RBM15: variants seen among roughly 807,000 people sequenced by gnomAD.
The protein encoded by RBM15 is RNA binding motif protein 15, also known as RNA-binding protein 15.
In RBM15, 8 loss-of-function variants were observed where a neutral mutation model predicts 62.6. That is an observed-to-expected ratio of 0.13 (90% confidence interval 0.07 to 0.23). The LOEUF (loss-of-function observed/expected upper bound fraction) is 0.23, where lower values mean the gene tolerates loss of function less well. RBM15 is among the 10% of genes least tolerant of loss of function. The pLI is 1.00. For missense variants in RBM15, 1,144 were observed against 1,286.5 expected, an observed-to-expected ratio of 0.89 and a Z score of 1.69; for synonymous variants, 606 against 505.7, an observed-to-expected ratio of 1.20 and a Z score of -2.66.
rs1486659810 is a variant in RBM15 at position 110,340,500 on chromosome 1, A to G, written c.1095A>G (p.Ser365=). Residue 365 remains serine, a synonymous_variant, in exon 1 of 3, where the codon TCA becomes TCG. Coordinates refer to ENST00000369784, the MANE Select transcript of RBM15 (RefSeq NM_022768.5). The surrounding 1 kb of genome is among the most constrained non-coding windows in gnomAD (Gnocchi z 5.8). ...AAPFREVDEI[S]PEDDQRANRT... ...CTTTCAGAGAAGTGGATGAGATTTC[A>G]CCCGAGGATGATCAGCGAGCTAACC... 6.2e-7 allele frequency: 1 copy of G among 1,614,154 alleles called. No individual in the cohort carries two copies.
rs1660900111 is a variant in RBM15, at chr1:110,346,421, A to G, written c.*154A>G. 1 of 1,434,300 alleles carries G rather than the reference A, an allele frequency of 7.0e-7. No individual in the cohort carries two copies. The highest frequency in any genetic ancestry group is 9.7e-7 in the Non-Finnish European group (1 of 1,033,308). The allele number at this position is 1,434,300 out of a possible 1,614,324, so 88.8% of individuals were successfully genotyped here. On this transcript the variant is annotated 3_prime_UTR_variant, in exon 3 of 3. Coordinates refer to ENST00000369784, the MANE Select transcript of RBM15 (RefSeq NM_022768.5). ...CATGGGCCTCTGATGGAAGAAAGCT[A>G]ATCTGTTTAGTATTTGTGCATTTTA... is the stretch of plus-strand genomic sequence containing the variant.
In RBM15 at chr1:110,340,816, C is replaced by T; in HGVS notation, c.1411C>T (p.Leu471=). 1 of 1,614,192 alleles carries T rather than the reference C, an allele frequency of 6.2e-7. No homozygotes were observed. The highest frequency in any genetic ancestry group is 8.5e-7 in the Non-Finnish European group (1 of 1,180,028). The part of the protein sequence containing the change: ...GLGPWVPLAA[L]AREFDRFGTI... ...GGGACCTTGGGTTCCTCTTGCTGCCCTGGCACGAGAATTTGATCGATTTGG... is the reference window on the plus strand; with the variant it reads ...GGGACCTTGGGTTCCTCTTGCTGCCTTGGCACGAGAATTTGATCGATTTGG... The change falls in exon 1 of 3, where the codon CTG becomes TTG. Residue 471 remains leucine (L), a synonymous_variant. Transcript: ENST00000369784. This position sits in a 1 kb window ranked among gnomAD's most constrained non-coding sequence, Gnocchi z 5.8.
At position 110,346,667 on chromosome 1, in the gene RBM15, T is replaced by C; in HGVS notation, c.*400T>C. The C allele has an allele frequency of 2.8e-6, 1 of 351,928 alleles. No individual in the cohort carries two copies. The highest frequency in any genetic ancestry group is 4.3e-5 in the East Asian group (1 of 23,032). The allele number at this position is 351,928 out of a possible 1,614,324, so 21.8% of individuals were successfully genotyped here. A position where few individuals can be genotyped will look rare whatever the true frequency, so the allele number is the denominator to read the frequency against. On this transcript the variant is annotated 3_prime_UTR_variant, in exon 3 of 3. Transcript: ENST00000369784. ...GTTTTATTCTAAATAAATTGTTTCTTTTGAGGAAAATGTTTTTCTGCCTGG... is the reference window on the plus strand; with the variant it reads ...GTTTTATTCTAAATAAATTGTTTCTCTTGAGGAAAATGTTTTTCTGCCTGG...
rs749458618 is a variant in RBM15 at position 110,341,141 on chromosome 1, A to G, written c.1736A>G (p.Asp579Gly). 6.2e-7 allele frequency: 1 copy of G among 1,613,860 alleles called. No homozygotes were observed. Among genetic ancestry groups the G allele is most frequent in the South Asian group, 1.1e-5 (1 of 91,080 alleles). The part of the protein sequence containing the change: ...PPLLYRDRDR[D>G]LYPDSDWVPP... ...TTACTATACAGAGATCGTGATAGGGACCTTTATCCTGACTCTGATTGGGTG... is the reference window on the plus strand; with the variant it reads ...TTACTATACAGAGATCGTGATAGGGGCCTTTATCCTGACTCTGATTGGGTG... Residue 579 changes from aspartate to glycine, a missense_variant, in exon 1 of 3, where the codon GAC becomes GGC. Physicochemically the swap from Asp to Gly is moderately conservative, Grantham distance 94 (BLOSUM62 -1). Coordinates refer to ENST00000369784, the MANE Select transcript of RBM15 (RefSeq NM_022768.5). This position sits in a 1 kb window ranked among gnomAD's most constrained non-coding sequence, Gnocchi z 4.5.
rs1282355964 is a variant in RBM15 at position 110,339,721 on chromosome 1, C to G, written c.316C>G (p.Arg106Gly). 2 of 1,612,720 alleles carry G rather than the reference C, an allele frequency of 1.2e-6. No individual in the cohort carries two copies. Among genetic ancestry groups the G allele is most frequent in the Non-Finnish European group, 1.7e-6 (2 of 1,179,818 alleles). The change falls in exon 1 of 3, where the codon CGA becomes GGA. Residue 106 changes from arginine (R) to glycine (G), a missense_variant. By Grantham distance (125) the Arg-to-Gly change is moderately radical. Coordinates refer to ENST00000369784, the MANE Select transcript of RBM15 (RefSeq NM_022768.5). ...TCTCCACCTGGACAAGTCCAGCAGT[C>G]GAGGTGGCAGCCGCGAGTATGATAC... is the stretch of plus-strand genomic sequence containing the variant. The part of the protein sequence containing the change: ...RSLHLDKSSS[R>G]GGSREYDTGG...
rs1660784794 is a variant in RBM15 at position 110,341,095 on chromosome 1, G to C, written c.1690G>C (p.Ala564Pro). The C allele has an allele frequency of 1.2e-6, 2 of 1,614,168 alleles. No homozygotes were observed. The highest frequency in any genetic ancestry group is 2.2e-5 in the East Asian group (1 of 44,880). ...TCGGGCACCAGACCCTTTGAGGGGT[G>C]CTCGGGATAGGACACCACCCTTACT... ...GHRAPDPLRG[A>P]RDRTPPLLYR... The change falls in exon 1 of 3, where the codon GCT (alanine) becomes CCT (proline). Residue 564 changes from alanine to proline, a missense_variant. Coordinates refer to ENST00000369784, the MANE Select transcript of RBM15 (RefSeq NM_022768.5). The surrounding 1 kb of genome is among the most constrained non-coding windows in gnomAD (Gnocchi z 4.5).
In RBM15 at chr1:110,346,521, C is replaced by T; in HGVS notation, c.*254C>T. 1 of 685,986 alleles carries T rather than the reference C, an allele frequency of 1.5e-6. No individual in the cohort carries two copies. The highest frequency in any genetic ancestry group is 2.5e-6 in the Non-Finnish European group (1 of 397,606). The allele number at this position is 685,986 out of a possible 1,614,324, so 42.5% of individuals were successfully genotyped here. ...GGTGTTTTAAGTGGAAAAAAAATGA[C>T]CTCTTTGATTTGTGCTGTGTACACA... On this transcript the variant is annotated 3_prime_UTR_variant, in exon 3 of 3. Transcript: ENST00000369784.
Position 110,340,440 on chromosome 1 carries a change from T to G in RBM15, c.1035T>G (p.Leu345=). The G allele has an allele frequency of 1.2e-6, 2 of 1,614,158 alleles. No homozygotes were observed. Among genetic ancestry groups the G allele is most frequent in the Non-Finnish European group, 1.7e-6 (2 of 1,180,028 alleles). ...FYERVRPAYS[L]EPRVGAGAGA... The stretch of plus-strand genomic sequence containing the variant: ...AGAGAGTGCGCCCTGCATACAGTCT[T>G]GAGCCAAGGGTGGGAGCTGGAGCAG... The change falls in exon 1 of 3, where the codon CTT becomes CTG. Residue 345 remains leucine (L), a synonymous_variant. Coordinates refer to ENST00000369784, the MANE Select transcript of RBM15 (RefSeq NM_022768.5). The surrounding 1 kb of genome is among the most constrained non-coding windows in gnomAD (Gnocchi z 5.8).
In RBM15 at chr1:110,339,951, T is replaced by C. The variant is rs1202824712; in HGVS notation, c.546T>C (p.Ser182=). 23 of 1,613,936 alleles carry C rather than the reference T, an allele frequency of 1.4e-5. No homozygotes were observed. Among genetic ancestry groups the C allele is most frequent in the Non-Finnish European group, 1.8e-5 (21 of 1,179,978 alleles). The stretch of plus-strand genomic sequence containing the variant: ...TAAGCGAGTTGGGGTCCCAGCTTAG[T>C]GACGAAGCGGTGGAGGACGGCCTGT... ...LKISELGSQL[S]DEAVEDGLFH... is the part of the protein sequence containing the mutation. Residue 182 remains serine, a synonymous_variant, in exon 1 of 3, where the codon AGT becomes AGC. Coordinates refer to ENST00000369784, the MANE Select transcript of RBM15 (RefSeq NM_022768.5).
intron 1 of RBM15, 62 bp downstream of exon 1, chr1:110,342,330 A>G: frequency 8.1e-6 from 11 of 1,356,242 alleles, no homozygotes; most frequent in Non-Finnish European, 1.0e-5. Context: ...CTGTTTTGTG[A>G]TGTGTAATGG....
Position 110,341,245 on chromosome 1 carries a change from C to G in RBM15, c.1840C>G (p.Leu614Val), listed in dbSNP as rs780243194. 2.2e-5 allele frequency: 35 copies of G among 1,614,020 alleles called. No individual in the cohort carries two copies. Among genetic ancestry groups the G allele is most frequent in the Non-Finnish European group, 2.8e-5 (33 of 1,180,042 alleles). The change falls in exon 1 of 3, where the codon CTA (leucine) becomes GTA (valine). Residue 614 changes from leucine (L) to valine (V), a missense_variant. Around this residue, in one of 8 missense-constraint regions of RBM15, gnomAD observed 360 missense variants for 342.9 expected, o/e 1.05. Coordinates refer to ENST00000369784, the MANE Select transcript of RBM15 (RefSeq NM_022768.5). This position sits in a 1 kb window ranked among gnomAD's most constrained non-coding sequence, Gnocchi z 4.5. ...GCCTGCTTACGAGCCACTGGATAGC[C>G]TAGATCGCAGGCGGGATGGTTGGTC... ...SVPAYEPLDS[L>V]DRRRDGWSLD...
intron 1 of RBM15, among the ~76,000 whole-genome samples, chr1:110,343,615 CCT>C (rs1660845285): frequency 6.6e-6 from 1 of 151,376 alleles, no homozygotes; most frequent in Non-Finnish European, 1.5e-5. Flanking sequence ...TAATCTATCC[CCT>C]CTGTCCCACC....
In RBM15 at chr1:110,345,540, G is replaced by A; in HGVS notation, c.2865G>A (p.Gly955=). ...EDYLVMIIVR[G]FGFQIGVRYE... is the part of the protein sequence containing the mutation. ...TTTTTTTTTCTGTCTCTCTCACAGG[G>A]TTTGGTTTTCAGATAGGAGTTAGGT... is the stretch of plus-strand genomic sequence containing the variant. The change falls in exon 2 of 3, where the codon GGG becomes GGA. Residue 955 remains glycine, a splice_region_variant and synonymous_variant. Transcript: ENST00000369784. The A allele has an allele frequency of 6.2e-7, 1 of 1,605,882 alleles. No homozygotes were observed. Among genetic ancestry groups the A allele is most frequent in the Non-Finnish European group, 8.5e-7 (1 of 1,174,606 alleles).
chr1:110,340,083 G>C lies in RBM15; in HGVS notation c.678G>C (p.Glu226Asp). The C allele has an allele frequency of 6.2e-7, 1 of 1,613,982 alleles. No individual in the cohort carries two copies. The highest frequency in any genetic ancestry group is 8.5e-7 in the Non-Finnish European group (1 of 1,180,016). Residue 226 changes from glutamate to aspartate, a missense_variant, in exon 1 of 3, where the codon GAG becomes GAC. Coordinates refer to ENST00000369784, the MANE Select transcript of RBM15 (RefSeq NM_022768.5). This position sits in a 1 kb window ranked among gnomAD's most constrained non-coding sequence, Gnocchi z 5.8. Reference protein sequence around the residue: ...RVAFVNFRRPEDARAAKHARG... With the variant: ...RVAFVNFRRPDDARAAKHARG... ...CCTTTGTGAACTTCCGGCGGCCAGA[G>C]GACGCGCGGGCGGCCAAGCATGCCA...
chr1:110,344,706 A>G (rs571257994), intron 1 of RBM15, among the ~76,000 whole-genome samples: 1 of 152,340 alleles, frequency 6.6e-6, no homozygotes, highest in East Asian at 1.9e-4. Context: ...AACCTTAAGA[A>G]TTCAAATGAA....
At chr1:110,346,251 A>G (rs772032433) in intron 2 of RBM15, 57 bp from the exon 3 acceptor site, 41 of 1,520,158 alleles carry the variant, frequency 2.7e-5, no homozygotes, top group Non-Finnish European at 3.5e-5. Flanking sequence ...AAATATATAT[A>G]TTTTTAATAT....
rs771630261 is a variant in RBM15, at chr1:110,339,646, A to G, written c.241A>G (p.Asn81Asp). The G allele has an allele frequency of 5.0e-6, 8 of 1,613,402 alleles. No individual in the cohort carries two copies. In the Admixed American group the frequency reaches 5.0e-5, roughly 10 times the overall value. Residue 81 changes from asparagine to aspartate, a missense_variant, in exon 1 of 3, where the codon AAT becomes GAT. This residue lies in a region of RBM15 where 298 missense variants were observed against 250.0 expected (regional missense o/e 1.19). Transcript: ENST00000369784. ...SKKLGGSGGS[N>D]GSSSGKTDSG... ...GAAGTTAGGGGGCTCTGGTGGCAGC[A>G]ATGGGAGCAGCAGCGGAAAGACCGA...
chr1:110,343,998 T>G (rs1046359510), intron 1 of RBM15, among the ~76,000 whole-genome samples: 1 of 152,218 alleles, frequency 6.6e-6, no homozygotes, highest in African/African-American at 2.4e-5. Context: ...TTTGTGGGGG[T>G]TTTTGTTTGT....
At chr1:110,342,570 GT>G (rs577168831) in intron 1 of RBM15, 930 of 312,968 alleles carry the variant, frequency 3.0e-3, no homozygotes, top group East Asian at 3.9e-3. Context: ...CTATTCAGTT[GT>G]TTTTTTTTTA....
Sources: gnomAD v4.1 joint callset for allele counts (sites outside exome capture counted in the v4.1 genomes callset) on GRCh38, gnomAD v4.1.1 for gene constraint, gnomAD v4.1.1 regional missense constraint, Gnocchi (gnomAD v3.1) non-coding constraint, MANE v1.5 for transcripts, NCBI Gene and HGNC (gene_info 2026-07-23, HGNC 2026-07-21) for gene names.